The following KIRREL3 variants were observed in gnomAD, a reference collection of about 807,000 sequenced individuals.
KIRREL3 encodes kirre like nephrin family adhesion molecule 3, also known as kin of IRRE-like protein 3.
In KIRREL3, 36 loss-of-function variants were observed where a neutral mutation model predicts 89.7. The ratio of observed to expected loss-of-function variants is 0.40; its 90% CI spans 0.31 to 0.53. The LOEUF (loss-of-function observed/expected upper bound fraction) is 0.53, where lower values mean the gene tolerates loss of function less well. KIRREL3 is among the 20% of genes least tolerant of loss of function. The pLI, the probability that KIRREL3 is intolerant of heterozygous loss-of-function variation, is 0.49. For synonymous variants in KIRREL3, 445 were observed against 441.4 expected, an observed-to-expected ratio of 1.01 and a Z score of -0.10; for missense variants, 864 against 1,056.6, an observed-to-expected ratio of 0.82 and a Z score of 2.53.
chr11:126,886,116 C>A (rs1441845463), intron 1 of KIRREL3, among the ~76,000 whole-genome samples: 1 of 152,148 alleles, frequency 6.6e-6, no homozygotes, highest in Non-Finnish European at 1.5e-5. Flanking sequence ...TCCTGTTAGT[C>A]CTAGTGAAGA....
At chr11:126,850,551 C>T (rs868548505) in intron 1 of KIRREL3, among the ~76,000 whole-genome samples, 1 of 152,188 alleles carries the variant, frequency 6.6e-6, no homozygotes, top group African/African-American at 2.4e-5. Context: ...TAACACTTTG[C>T]TTCAGGGTAG....
rs1326914872 is a variant in KIRREL3 at position 126,541,853 on chromosome 11, T to C, written c.134-15166A>G. On this transcript the variant is annotated intron_variant, in intron 2 of 16. Coordinates refer to ENST00000525144, the MANE Select transcript of KIRREL3 (RefSeq NM_032531.4). This position sits in a 1 kb window ranked among gnomAD's most constrained non-coding sequence, Gnocchi z 4.8. ...GCTGTCTCTCTCTCGGGGTGCGCAT[T>C]GATGTTCCCACTGCACAGTGAAGGC... Among the ~76,000 whole-genome samples, 1 of 152,222 alleles carries C rather than the reference T, an allele frequency of 6.6e-6. No individual in the cohort carries two copies. Among genetic ancestry groups the C allele is most frequent in the African/African-American group, 2.4e-5 (1 of 41,452 alleles).
At chr11:126,604,244 G>A (rs1008104839) in intron 1 of KIRREL3, among the ~76,000 whole-genome samples, 3 of 152,196 alleles carry the variant, frequency 2.0e-5, no homozygotes, top group Non-Finnish European at 4.4e-5. Context: ...CGAGGACGCA[G>A]AGCTGACAGG....
chr11:126,438,573 C>T (rs1316624410), intron 11 of KIRREL3, among the ~76,000 whole-genome samples: 1 of 152,210 alleles, frequency 6.6e-6, no homozygotes, highest in East Asian at 1.9e-4. Context: ...CAGTGAGAAC[C>T]GCTGGCCTAG....
chr11:126,753,178 A>C (rs1949390794), intron 1 of KIRREL3, among the ~76,000 whole-genome samples: 1 of 152,248 alleles, frequency 6.6e-6, no homozygotes. Context: ...TCCCCAGGGC[A>C]TGAAATCTTG....
chr11:126,850,914 G>A (rs1018527130), intron 1 of KIRREL3, among the ~76,000 whole-genome samples: 1 of 152,164 alleles, frequency 6.6e-6, no homozygotes, highest in Non-Finnish European at 1.5e-5. Flanking sequence ...AAGACTAACA[G>A]TTACCGGACA....
At chr11:126,679,209 G>C (rs890625341) in intron 1 of KIRREL3, among the ~76,000 whole-genome samples, 1 of 152,182 alleles carries the variant, frequency 6.6e-6, no homozygotes, top group African/African-American at 2.4e-5. Flanking sequence ...AATCACCAGG[G>C]AGAGCCTAGG....
At position 126,704,610 on chromosome 11, in the gene KIRREL3, C is replaced by T. The variant is rs1947442509; in HGVS notation, c.56-141698G>A. ...GCGTATTTGGCTCAGGCTGACTTTC[C>T]ATACACAGACAGGGCTCTATTTTTG... On this transcript the variant is annotated intron_variant, in intron 1 of 16. Transcript: ENST00000525144. This position sits in a 1 kb window ranked among gnomAD's most constrained non-coding sequence, Gnocchi z 4.2. Among the ~76,000 whole-genome samples, 1 of 152,310 alleles carries T rather than the reference C, an allele frequency of 6.6e-6. No individual in the cohort carries two copies. Among genetic ancestry groups the T allele is most frequent in the East Asian group, 1.9e-4 (1 of 5,186 alleles).
intron 2 of KIRREL3, among the ~76,000 whole-genome samples, chr11:126,546,992 T>G (rs1938860374): frequency 6.6e-6 from 1 of 152,214 alleles, no homozygotes; most frequent in African/African-American, 2.4e-5. Flanking sequence ...TTGTTTGACC[T>G]CCAAGGAAAG....
At chr11:126,538,906 C>T (rs1938138431) in intron 2 of KIRREL3, among the ~76,000 whole-genome samples, 1 of 152,126 alleles carries the variant, frequency 6.6e-6, no homozygotes, top group Admixed American at 6.5e-5. Context: ...GAGTGAGGCA[C>T]AAAGTCCCAA....
At position 126,610,176 on chromosome 11, in the gene KIRREL3, C is replaced by T. The variant is rs551980626; in HGVS notation, c.56-47264G>A. ...CAAGATCTCGGCTCACTGCAACCTT[C>T]GCCTCCCAGGTTCAAGCGATTCTCC... is the stretch of plus-strand genomic sequence containing the variant. On this transcript the variant is annotated intron_variant, in intron 1 of 16. Coordinates refer to ENST00000525144, the MANE Select transcript of KIRREL3 (RefSeq NM_032531.4). This position sits in a 1 kb window ranked among gnomAD's most constrained non-coding sequence, Gnocchi z 4.6. Among the ~76,000 whole-genome samples, 2 of 152,060 alleles carry T rather than the reference C, an allele frequency of 1.3e-5. No homozygotes were observed. Among genetic ancestry groups the T allele is most frequent in the African/African-American group, 4.8e-5 (2 of 41,392 alleles).
rs960034010 is a variant in KIRREL3, at chr11:126,990,429, C to T, written c.55+10026G>A. 2.2e-5 allele frequency among the ~76,000 whole-genome samples: 3 copies of T among 137,864 alleles called. No individual in the cohort carries two copies. Among genetic ancestry groups the T allele is most frequent in the African/African-American group, 3.1e-5 (1 of 32,560 alleles). The allele number at this position is 137,864 out of a possible 152,430, so 90.4% of individuals were successfully genotyped here. On this transcript the variant is annotated intron_variant, in intron 1 of 16. Coordinates refer to ENST00000525144, the MANE Select transcript of KIRREL3 (RefSeq NM_032531.4). The surrounding 1 kb of genome is among the most constrained non-coding windows in gnomAD (Gnocchi z 6.3). ...CACCCAGAGGCGAGGAGGAGAGCCCCCCATCCCTCCCGTCCCTTCCCAGCT... is the reference window on the plus strand; with the variant it reads ...CACCCAGAGGCGAGGAGGAGAGCCCTCCATCCCTCCCGTCCCTTCCCAGCT...
At chr11:126,756,089 G>A (rs1456724344) in intron 1 of KIRREL3, among the ~76,000 whole-genome samples, 1 of 152,090 alleles carries the variant, frequency 6.6e-6, no homozygotes, top group East Asian at 1.9e-4. Flanking sequence ...TTTAATCACC[G>A]ATTATGTATT....
At position 126,443,126 on chromosome 11, in the gene KIRREL3, C is replaced by G. The variant is rs1281193588; in HGVS notation, c.1252+1853G>C. Among the ~76,000 whole-genome samples, 1 of 152,228 alleles carries G rather than the reference C, an allele frequency of 6.6e-6. No homozygotes were observed. ...CAGCAGATGTCAGCTCCTCCTTTAT[C>G]CACCTGCTTTTCCCCAGAAACGCCA... On this transcript the variant is annotated intron_variant, in intron 10 of 16. Coordinates refer to ENST00000525144, the MANE Select transcript of KIRREL3 (RefSeq NM_032531.4). The surrounding 1 kb of genome is among the most constrained non-coding windows in gnomAD (Gnocchi z 7.3).
Position 126,844,937 on chromosome 11 carries a change from G to A in KIRREL3, c.55+155518C>T, listed in dbSNP as rs1035421884. On this transcript the variant is annotated intron_variant, in intron 1 of 16. Transcript: ENST00000525144. This position sits in a 1 kb window ranked among gnomAD's most constrained non-coding sequence, Gnocchi z 4.8. Reference sequence around the variant, plus strand: ...TGTTGCAATGGTGGGTCTTACTCTGGCCTCTCTGAGCTCTCTGCCTTCCCC... The same window carrying A: ...TGTTGCAATGGTGGGTCTTACTCTGACCTCTCTGAGCTCTCTGCCTTCCCC... 1.3e-5 allele frequency among the ~76,000 whole-genome samples: 2 copies of A among 152,112 alleles called. No homozygotes were observed. Among genetic ancestry groups the A allele is most frequent in the Admixed American group, 1.3e-4 (2 of 15,272 alleles).
chr11:126,589,963 T>C (rs1024726685), intron 1 of KIRREL3, among the ~76,000 whole-genome samples: 3 of 152,126 alleles, frequency 2.0e-5, no homozygotes, highest in African/African-American at 7.2e-5. Context: ...GAGCAGGGGC[T>C]CCCTCTGAAT....
chr11:126,523,334 T>G lies in KIRREL3; in HGVS notation c.284-1870A>C, dbSNP rs991751500. Among the ~76,000 whole-genome samples, 2 of 151,968 alleles carry G rather than the reference T, an allele frequency of 1.3e-5. No individual in the cohort carries two copies. Among genetic ancestry groups the G allele is most frequent in the African/African-American group, 2.4e-5 (1 of 41,386 alleles). ...CCATAAGTGAAGGTTCTTCTGGAGG[T>G]GGGGCAGGCCTCCCTGGGGGTGGGC... is the stretch of plus-strand genomic sequence containing the variant. On this transcript the variant is annotated intron_variant, in intron 3 of 16. Coordinates refer to ENST00000525144, the MANE Select transcript of KIRREL3 (RefSeq NM_032531.4). The surrounding 1 kb of genome is among the most constrained non-coding windows in gnomAD (Gnocchi z 4.9).
chr11:126,947,412 C>T (rs140519862), intron 1 of KIRREL3, among the ~76,000 whole-genome samples: 2 of 152,320 alleles, frequency 1.3e-5, no homozygotes, highest in African/African-American at 4.8e-5. Flanking sequence ...TGCTGCACTA[C>T]TCAGAGCAGA....
chr11:126,798,751 A>G (rs1950891496), intron 1 of KIRREL3, among the ~76,000 whole-genome samples: 1 of 152,200 alleles, frequency 6.6e-6, no homozygotes, highest in Non-Finnish European at 1.5e-5. Flanking sequence ...TCCTTAGAGA[A>G]ACCATACGGA....
Sources: gnomAD v4.1 joint callset for allele counts (sites outside exome capture counted in the v4.1 genomes callset) on GRCh38, gnomAD v4.1.1 for gene constraint, Gnocchi (gnomAD v3.1) non-coding constraint, MANE v1.5 for transcripts, NCBI Gene and HGNC (gene_info 2026-07-23, HGNC 2026-07-21) for gene names.